Variants in FDX1 observed in about 807,000 individuals in gnomAD.
The protein encoded by FDX1 is adrenodoxin, mitochondrial.
In FDX1, 9 loss-of-function variants were observed where a neutral mutation model predicts 14.9. The ratio of observed to expected loss-of-function variants is 0.60; its 90% CI spans 0.36 to 1.05. FDX1 has a LOEUF of 1.05. Ranked by LOEUF, FDX1 falls within the 50% of genes least tolerant of loss-of-function variation. The pLI, the probability that FDX1 is intolerant of heterozygous loss-of-function variation, is 0.01. For synonymous variants in FDX1, 92 were observed against 99.4 expected, an observed-to-expected ratio of 0.93 and a Z score of 0.44; for missense variants, 204 against 237.2, an observed-to-expected ratio of 0.86 and a Z score of 0.92.
At chr11:110,446,136 T>A (rs1355231782) in intron 2 of FDX1, among the ~76,000 whole-genome samples, 1 of 152,162 alleles carries the variant, frequency 6.6e-6, no homozygotes, top group African/African-American at 2.4e-5. Context: ...TAAGCTAAAC[T>A]AGATTCACCA....
chr11:110,460,522 C>G (rs1286174936), intron 3 of FDX1, among the ~76,000 whole-genome samples: 1 of 152,210 alleles, frequency 6.6e-6, no homozygotes, highest in Non-Finnish European at 1.5e-5. Context: ...TACCTATCCT[C>G]CAAAGCCCAT....
At chr11:110,452,045 A>G (rs760411480) in intron 2 of FDX1, among the ~76,000 whole-genome samples, 2 of 152,192 alleles carry the variant, frequency 1.3e-5, no homozygotes, top group Non-Finnish European at 2.9e-5. Context: ...AGGTGCATCA[A>G]CCTAAACCTC....
At chr11:110,429,418 A>G (rs1946313260), upstream of FDX1, among the ~76,000 whole-genome samples, 1 of 152,140 alleles carries the variant, frequency 6.6e-6, no homozygotes, top group African/African-American at 2.4e-5. Flanking sequence ...AGCTCATCAC[A>G]AAGTTTCCGG....
chr11:110,457,248 A>C (rs556631936), intron 3 of FDX1, among the ~76,000 whole-genome samples: 1 of 152,294 alleles, frequency 6.6e-6, no homozygotes, highest in East Asian at 1.9e-4. Flanking sequence ...AATTTTACAA[A>C]AGTAAAAAAA....
intron 2 of FDX1, among the ~76,000 whole-genome samples, chr11:110,442,990 C>T (rs1416927868): frequency 6.6e-6 from 1 of 152,170 alleles, no homozygotes; most frequent in Non-Finnish European, 1.5e-5. Flanking sequence ...GGGTTCCCTG[C>T]ACAAGCTCTC....
At chr11:110,438,822 C>G (rs571856883) in intron 2 of FDX1, among the ~76,000 whole-genome samples, 36 of 152,070 alleles carry the variant, frequency 2.4e-4, no homozygotes, top group Non-Finnish European at 4.6e-4. Flanking sequence ...TGTTTAAGTT[C>G]CCTATTGATT....
chr11:110,429,994 C>G lies in FDX1; in HGVS notation c.-127C>G, dbSNP rs775832983. On this transcript the variant is annotated 5_prime_UTR_variant, in exon 1 of 4. Coordinates refer to ENST00000260270, the MANE Select transcript of FDX1 (RefSeq NM_004109.5). Reference sequence around the variant, plus strand: ...CTTCCAGCAGGGTCTCTCCGCCACTCCAGCCCCGCGCCCCTCGCCGCGGCC... The same window carrying G: ...CTTCCAGCAGGGTCTCTCCGCCACTGCAGCCCCGCGCCCCTCGCCGCGGCC... 7 of 588,964 alleles carry G rather than the reference C, an allele frequency of 1.2e-5. No homozygotes were observed. The African/African-American group carries it at 1.4e-4, about 12-fold the overall frequency. 36.5% of individuals were successfully genotyped at this position (588,964 alleles called of 1,614,324 possible).
At chr11:110,440,014 A>G (rs1451144740) in intron 2 of FDX1, among the ~76,000 whole-genome samples, 3 of 152,050 alleles carry the variant, frequency 2.0e-5, no homozygotes, top group African/African-American at 7.2e-5. Context: ...TCGGGTCTCT[A>G]TTCTGTTCCT....
At chr11:110,434,481 C>G (rs947869733) in intron 1 of FDX1, among the ~76,000 whole-genome samples, 1 of 151,858 alleles carries the variant, frequency 6.6e-6, no homozygotes, top group Non-Finnish European at 1.5e-5. Flanking sequence ...GGATTACAGG[C>G]ATGTACCACC....
intron 1 of FDX1, among the ~76,000 whole-genome samples, chr11:110,434,151 T>C (rs138129814): frequency 3.3e-4 from 51 of 152,278 alleles, no homozygotes; most frequent in African/African-American, 1.2e-3. Flanking sequence ...ACATACTATC[T>C]TAAAAAAACA....
chr11:110,440,691 A>G (rs1946399414), intron 2 of FDX1, among the ~76,000 whole-genome samples: 1 of 152,234 alleles, frequency 6.6e-6, no homozygotes, highest in Non-Finnish European at 1.5e-5. Flanking sequence ...GTCCCAAATC[A>G]ATAACATTGG....
chr11:110,461,380 C>T (rs570282161), intron 3 of FDX1, among the ~76,000 whole-genome samples: 1 of 151,672 alleles, frequency 6.6e-6, no homozygotes, highest in South Asian at 2.1e-4. Flanking sequence ...CCTGTAGTCC[C>T]CGCTACTTAG....
chr11:110,429,571 A>G (rs1946314239), upstream of FDX1, among the ~76,000 whole-genome samples: 1 of 152,192 alleles, frequency 6.6e-6, no homozygotes, highest in African/African-American at 2.4e-5. Context: ...TCTTTGTATA[A>G]TAGCATTCTG....
At chr11:110,444,697 TATATATACGTATATATATATATATAC>T (rs1565381918) in intron 2 of FDX1, among the ~76,000 whole-genome samples, 2 of 69,828 alleles carry the variant, frequency 2.9e-5, no homozygotes, top group African/African-American at 6.8e-5. Flanking sequence ...CGTATATATA[TATATATACGTATATATATATATATAC>T]GTATATATAT....
At chr11:110,453,845 C>A (rs1189684331) in intron 2 of FDX1, among the ~76,000 whole-genome samples, 4 of 152,206 alleles carry the variant, frequency 2.6e-5, no homozygotes, top group Non-Finnish European at 5.9e-5. Flanking sequence ...GATAGTTGTT[C>A]TAACACAGTC....
chr11:110,462,481 A>G lies in FDX1; in HGVS notation c.*13A>G, dbSNP rs1946562551. The G allele has an allele frequency of 8.1e-7, 1 of 1,229,914 alleles. No homozygotes were observed. The highest frequency in any genetic ancestry group is 1.5e-5 in the African/African-American group (1 of 67,236). 76.2% of individuals were successfully genotyped at this position (1,229,914 alleles called of 1,614,324 possible). A position where few individuals can be genotyped will look rare whatever the true frequency, so the allele number is the denominator to read the frequency against. On this transcript the variant is annotated 3_prime_UTR_variant, in exon 4 of 4. Transcript: ENST00000260270. Reference sequence around the variant, plus strand: ...CAAGACCTCCTGAACTAGAACAAATAGGAATATTTTCATGGAATTTTACCT... The same window carrying G: ...CAAGACCTCCTGAACTAGAACAAATGGGAATATTTTCATGGAATTTTACCT...
rs755912136 is a variant in FDX1, at chr11:110,444,747, C to T, written c.310+8789C>T. On this transcript the variant is annotated intron_variant, in intron 2 of 3. Transcript: ENST00000260270. ...ACGTATATATATATATATATATACACGTATATATATATATATATATTTGCA... is the reference window on the plus strand; with the variant it reads ...ACGTATATATATATATATATATACATGTATATATATATATATATATTTGCA... Among the ~76,000 whole-genome samples the T allele has an allele frequency of 1.5e-3, 53 of 34,842 alleles. 4 individuals carry two copies. Among genetic ancestry groups the T allele is most frequent in the African/African-American group, 9.3e-3 (47 of 5,080 alleles). The allele number at this position is 34,842 out of a possible 152,430, so 22.9% of individuals were successfully genotyped here.
At chr11:110,432,556 C>T (rs2134564879) in intron 1 of FDX1, among the ~76,000 whole-genome samples, 1 of 152,254 alleles carries the variant, frequency 6.6e-6, no homozygotes, top group East Asian at 1.9e-4. Flanking sequence ...GCAGCCTACA[C>T]CTCCCAGGTT....
chr11:110,461,074 C>G (rs1262183318), intron 3 of FDX1, among the ~76,000 whole-genome samples: 1 of 152,052 alleles, frequency 6.6e-6, no homozygotes, highest in East Asian at 1.9e-4. Context: ...TTTTTATATG[C>G]CACTAAGGAA....
Sources: gnomAD v4.1 joint callset for allele counts (sites outside exome capture counted in the v4.1 genomes callset) on GRCh38, gnomAD v4.1.1 for gene constraint, MANE v1.5 for transcripts, NCBI Gene and HGNC (gene_info 2026-07-23, HGNC 2026-07-21) for gene names.